LTBP1: variants seen among roughly 807,000 people sequenced by gnomAD.
LTBP1 encodes the protein latent-transforming growth factor beta-binding protein 1.
LTBP1 carries 129 observed loss-of-function variants against 207.6 expected under a neutral mutation model. The observed-to-expected ratio is 0.62, with a 90% confidence interval of 0.54 to 0.72. LTBP1 has a LOEUF of 0.72. Among genes scored for constraint, LTBP1 ranks in the 30% least tolerant of loss-of-function variants. The pLI is 0.00. For missense variants in LTBP1, 2,281 were observed against 2,217.2 expected, an observed-to-expected ratio of 1.03 and a Z score of -0.58; for synonymous variants, 963 against 833.7, an observed-to-expected ratio of 1.16 and a Z score of -2.67.
intron 2 of LTBP1, among the ~76,000 whole-genome samples, chr2:32,957,471 G>A (rs1678269848): frequency 6.6e-6 from 1 of 152,202 alleles, no homozygotes; most frequent in Non-Finnish European, 1.5e-5. Context: ...GGAGAGAGAT[G>A]AGGGAACGGC....
At chr2:33,041,894 T>A (rs1446249919) in intron 3 of LTBP1, among the ~76,000 whole-genome samples, 1 of 152,214 alleles carries the variant, frequency 6.6e-6, no homozygotes. Flanking sequence ...GTGATAATGG[T>A]ATGTGTATCC....
intron 7 of LTBP1, among the ~76,000 whole-genome samples, chr2:33,205,574 C>T (rs555444291): frequency 8.5e-5 from 13 of 152,278 alleles, no homozygotes; most frequent in Non-Finnish European, 1.5e-4. Flanking sequence ...GCCATGTTAT[C>T]CAGAATATAT....
At chr2:33,240,930 G>A (rs556976833) in intron 9 of LTBP1, among the ~76,000 whole-genome samples, 2 of 152,118 alleles carry the variant, frequency 1.3e-5, no homozygotes, top group Admixed American at 6.5e-5. Flanking sequence ...GATTACAGGC[G>A]TGAGCCACCG....
chr2:33,299,310 C>A (rs2093940361), intron 20 of LTBP1, among the ~76,000 whole-genome samples: 1 of 151,696 alleles, frequency 6.6e-6, no homozygotes, highest in Non-Finnish European at 1.5e-5. Context: ...AGTGAAAGGC[C>A]TATACAGTTA....
intron 31 of LTBP1, among the ~76,000 whole-genome samples, chr2:33,376,572 T>G (rs2095142259): frequency 6.6e-6 from 1 of 152,270 alleles, no homozygotes; most frequent in African/African-American, 2.4e-5. Flanking sequence ...ACCTTCTTGC[T>G]TCCGTGCTAA....
At chr2:33,245,850 A>T (rs2092491267) in intron 10 of LTBP1, among the ~76,000 whole-genome samples, 1 of 152,210 alleles carries the variant, frequency 6.6e-6, no homozygotes, top group Non-Finnish European at 1.5e-5. Context: ...CAATTCTTAT[A>T]TTGAAGGTTG....
At chr2:33,251,387 ACG>A (rs1264274487) in intron 10 of LTBP1, among the ~76,000 whole-genome samples, 5 of 152,128 alleles carry the variant, frequency 3.3e-5, no homozygotes, top group Admixed American at 2.0e-4. Flanking sequence ...GGCTGGGCGC[ACG>A]GTGGCTCACG....
At position 33,118,712 on chromosome 2, in the gene LTBP1, ACAG is replaced by A. The variant is rs1476625080; in HGVS notation, c.1033+7962_1033+7964del. On this transcript the variant is annotated intron_variant, in intron 4 of 33. Transcript: ENST00000404816. ...TTGGGAATCCAGATTTCATTCAAGG[ACAG>A]GATATGATCTATTGCAAAGAAAAGT... is the stretch of plus-strand genomic sequence containing the variant. Among the ~76,000 whole-genome samples the A allele has an allele frequency of 5.7e-4, 87 of 152,318 alleles. 2 individuals carry two copies. The South Asian group carries it at 0.018, about 31-fold the overall frequency.
intron 2 of LTBP1, among the ~76,000 whole-genome samples, chr2:32,985,807 T>C (rs758858390): frequency 3.9e-5 from 6 of 152,136 alleles, no homozygotes; most frequent in African/African-American, 7.2e-5. Flanking sequence ...GGAAGCTTCT[T>C]GGTTTTACAT....
chr2:33,237,907 A>G (rs113261324), intron 9 of LTBP1, among the ~76,000 whole-genome samples: 10 of 152,202 alleles, frequency 6.6e-5, no homozygotes, highest in Non-Finnish European at 4.4e-5. Context: ...ATGACTTCAA[A>G]AAGAAACATC....
At chr2:33,327,404 A>G (rs2094441174) in intron 24 of LTBP1, among the ~76,000 whole-genome samples, 1 of 152,194 alleles carries the variant, frequency 6.6e-6, no homozygotes, top group Non-Finnish European at 1.5e-5. Flanking sequence ...ATGACATAAT[A>G]ATTCTCCATC....
chr2:33,319,174 G>C (rs1047667802), intron 24 of LTBP1, among the ~76,000 whole-genome samples: 6 of 152,128 alleles, frequency 3.9e-5, no homozygotes, highest in African/African-American at 1.4e-4. Flanking sequence ...AAGGCAGGTG[G>C]ATCACCTGAG....
intron 2 of LTBP1, among the ~76,000 whole-genome samples, chr2:32,984,766 C>CAAA (rs35404252): frequency 7.0e-6 from 1 of 143,172 alleles, no homozygotes; most frequent in Non-Finnish European, 1.5e-5. Context: ...ACTAAAAATA[C>CAAA]AAAAAAAAAA....
At chr2:33,295,694 G>A (rs528735925) in intron 20 of LTBP1, among the ~76,000 whole-genome samples, 1 of 151,294 alleles carries the variant, frequency 6.6e-6, no homozygotes, top group Non-Finnish European at 1.5e-5. Flanking sequence ...TTTCTTTTCT[G>A]CTTACTTTTA....
intron 3 of LTBP1, among the ~76,000 whole-genome samples, chr2:33,087,084 CTTTTTTTTT>C (rs35334788): frequency 0.51 from 46,073 of 90,656 alleles, 10,464 homozygotes; most frequent in East Asian, 0.67. Context: ...CTCCTTTATG[CTTTTTTTTT>C]TTTTTTTTTT....
intron 25 of LTBP1, among the ~76,000 whole-genome samples, chr2:33,345,143 C>T (rs1228822265): frequency 6.6e-6 from 1 of 152,200 alleles, no homozygotes; most frequent in East Asian, 1.9e-4. Flanking sequence ...TGAGTGAGCA[C>T]CTGCCCCATT....
intron 3 of LTBP1, among the ~76,000 whole-genome samples, chr2:33,103,266 C>T (rs1355249575): frequency 1.3e-5 from 2 of 149,756 alleles, no homozygotes; most frequent in African/African-American, 4.9e-5. Flanking sequence ...ATGTTGTATA[C>T]AGTCTGTATG....
intron 2 of LTBP1, among the ~76,000 whole-genome samples, chr2:32,950,934 G>A (rs1677009020): frequency 6.6e-6 from 1 of 152,212 alleles, no homozygotes; most frequent in Non-Finnish European, 1.5e-5. Context: ...AAATCTTGGG[G>A]AATCTCTTCA....
At chr2:33,014,888 G>A (rs1166917399) in intron 2 of LTBP1, among the ~76,000 whole-genome samples, 1 of 152,184 alleles carries the variant, frequency 6.6e-6, no homozygotes, top group East Asian at 1.9e-4. Flanking sequence ...AGCCAGGATG[G>A]TGTAGGGTTT....
Sources: allele counts gnomAD v4.1 joint callset (sites outside exome capture counted in the v4.1 genomes callset), GRCh38; gene constraint gnomAD v4.1.1; transcripts MANE v1.5; gene names NCBI Gene and HGNC (gene_info 2026-07-23, HGNC 2026-07-21).